Variants in MAGEC3 observed in about 807,000 individuals in gnomAD.
MAGEC3 encodes the protein MAGE family member C3.
In MAGEC3, 34 loss-of-function variants were observed where a neutral mutation model predicts 35.3. The ratio of observed to expected loss-of-function variants is 0.96; its 90% CI spans 0.73 to 1.28. The LOEUF (loss-of-function observed/expected upper bound fraction) is 1.28, where lower values mean the gene tolerates loss of function less well. MAGEC3 is among the 50% of genes most tolerant of loss of function. The pLI, the probability that MAGEC3 is intolerant of heterozygous loss-of-function variation, is 0.00. For synonymous variants in MAGEC3, 202 were observed against 185.6 expected, an observed-to-expected ratio of 1.09 and a Z score of -0.72; for missense variants, 561 against 483.6, an observed-to-expected ratio of 1.16 and a Z score of -1.50.
At chrX:141,884,375 T>C (rs190884649) in intron 4 of MAGEC3, among the ~76,000 whole-genome samples, 90 of 112,098 alleles carry the variant, frequency 8.0e-4, no homozygotes, top group Admixed American at 1.6e-3. Flanking sequence ...TTCTTCAGCA[T>C]TGGGACTCGG....
rs772070241 is a variant in MAGEC3 at position 141,897,451 on chromosome X, G to C, written c.1693G>C (p.Glu565Gln). The C allele has an allele frequency of 8.3e-7, 1 of 1,208,313 alleles. No homozygotes were observed. The highest frequency in any genetic ancestry group is 1.1e-6 in the Non-Finnish European group (1 of 894,547). ...CTTCATAAAGGGCAGCTGTGTCCCC[G>C]AGGAGGTCATCTGGGAAGTGTTGAG... ...MIFIKGSCVP[E>Q]EVIWEVLSAI... The change falls in exon 7 of 8, where the codon GAG becomes CAG. Residue 565 changes from glutamate (E) to glutamine (Q), a missense_variant. Glu to Gln is a conservative substitution (Grantham distance 29). Transcript: ENST00000298296.
At chrX:141,882,890 A>G (rs933358044) in intron 4 of MAGEC3, among the ~76,000 whole-genome samples, 1 of 112,186 alleles carries the variant, frequency 8.9e-6, no homozygotes, top group Non-Finnish European at 1.9e-5. Context: ...TCAAGTATAA[A>G]GTCCCTGAGC....
intron 4 of MAGEC3, among the ~76,000 whole-genome samples, chrX:141,885,234 C>G (rs1013330403): frequency 3.6e-5 from 4 of 111,318 alleles, no homozygotes; most frequent in African/African-American, 1.3e-4. Flanking sequence ...AAGCAGAAAT[C>G]TGGAGAACAG....
intron 3 of MAGEC3, among the ~76,000 whole-genome samples, chrX:141,880,069 T>G: frequency 9.0e-6 from 1 of 110,545 alleles, no homozygotes; most frequent in South Asian, 3.9e-4. Flanking sequence ...CATTGCTGGG[T>G]GAGAGGTGCA....
chrX:141,873,992 A>T (rs1318712586), intron 2 of MAGEC3, among the ~76,000 whole-genome samples: 1 of 112,512 alleles, frequency 8.9e-6, no homozygotes. Flanking sequence ...TAATTAAGAC[A>T]GTGTGATATT....
chrX:141,872,397 G>A (rs1012216963), intron 2 of MAGEC3, among the ~76,000 whole-genome samples: 20 of 111,270 alleles, frequency 1.8e-4, no homozygotes, highest in Non-Finnish European at 3.6e-4. Flanking sequence ...AGGAGGCCGA[G>A]GGTGTCTGTT....
At chrX:141,849,362 T>A (rs1353689389) in intron 1 of MAGEC3, among the ~76,000 whole-genome samples, 1 of 111,197 alleles carries the variant, frequency 9.0e-6, no homozygotes, top group East Asian at 2.8e-4. Flanking sequence ...TTTTTTGACA[T>A]TGACTTTGGC....
intron 1 of MAGEC3, among the ~76,000 whole-genome samples, chrX:141,852,810 G>A (rs907330220): frequency 3.6e-5 from 4 of 110,863 alleles, no homozygotes; most frequent in Admixed American, 1.9e-4. Flanking sequence ...TACTATTTTT[G>A]TATTGCTAGA....
chrX:141,896,810 C>G (rs1398792258), intron 6 of MAGEC3, 72 bp from the exon 7 acceptor site: 3 of 1,202,776 alleles, frequency 2.5e-6, no homozygotes, highest in Non-Finnish European at 3.4e-6. Flanking sequence ...TTATTCCCCT[C>G]CTCCTCTTCC....
At chrX:141,894,888 G>A in intron 4 of MAGEC3, 1 of 859,222 alleles carries the variant, frequency 1.2e-6, no homozygotes. Context: ...AGGCAAGAAG[G>A]GGTGGGAGGG....
chrX:141,858,640 G>T (rs942251711), intron 1 of MAGEC3, among the ~76,000 whole-genome samples: 1 of 110,184 alleles, frequency 9.1e-6, no homozygotes, highest in Non-Finnish European at 1.9e-5. Context: ...CTTAGCATCT[G>T]CCTGGTAACC....
chrX:141,856,448 C>T (rs2017781071), intron 1 of MAGEC3, among the ~76,000 whole-genome samples: 1 of 111,189 alleles, frequency 9.0e-6, no homozygotes, highest in Non-Finnish European at 1.9e-5. Context: ...CTGAGAGAGT[C>T]GGCTTTTTAA....
chrX:141,849,681 A>T (rs2017738795), intron 1 of MAGEC3, among the ~76,000 whole-genome samples: 1 of 111,231 alleles, frequency 9.0e-6, no homozygotes, highest in South Asian at 3.8e-4. Context: ...AATCAAAACC[A>T]CAATGAGATA....
At chrX:141,843,032 AAATC>A (rs1226319891) in intron 1 of MAGEC3, among the ~76,000 whole-genome samples, 1 of 112,378 alleles carries the variant, frequency 8.9e-6, no homozygotes, top group African/African-American at 3.2e-5. Context: ...TTTTGAGAAT[AAATC>A]TACGTTCTTG....
At chrX:141,846,950 G>T (rs899532989) in intron 1 of MAGEC3, among the ~76,000 whole-genome samples, 3 of 110,683 alleles carry the variant, frequency 2.7e-5, no homozygotes, top group East Asian at 5.7e-4. Context: ...AATGATAATG[G>T]TACCTGTTTC....
At chrX:141,864,871 A>C (rs2017838429) in intron 1 of MAGEC3, among the ~76,000 whole-genome samples, 1 of 112,297 alleles carries the variant, frequency 8.9e-6, no homozygotes, top group Non-Finnish European at 1.9e-5. Context: ...AATAGTGTTC[A>C]AGATGCTCTT....
chrX:141,852,872 G>T (rs776662094), intron 1 of MAGEC3, among the ~76,000 whole-genome samples: 1 of 111,248 alleles, frequency 9.0e-6, no homozygotes, highest in Admixed American at 9.6e-5. Flanking sequence ...TGAGATATTG[G>T]TTTGTAGTTT....
Position 141,895,671 on chromosome X carries a change from G to A in MAGEC3, c.1123+112G>A. 1.7e-5 allele frequency: 10 copies of A among 581,083 alleles called. No individual in the cohort carries two copies. In the South Asian group the frequency reaches 2.8e-4, roughly 16 times the overall value. The allele number at this position is 581,083 out of a possible 1,213,427, so 47.9% of individuals were successfully genotyped here. On this transcript the variant is annotated intron_variant, in intron 6 of 7. Coordinates refer to ENST00000298296, the MANE Select transcript of MAGEC3 (RefSeq NM_138702.1). Reference sequence around the variant, plus strand: ...CACCCTGCTCCTCATATCAGCCCTCGTAGAGCTCCTCAGTCAGCTCAGGCT... The same window carrying A: ...CACCCTGCTCCTCATATCAGCCCTCATAGAGCTCCTCAGTCAGCTCAGGCT...
At chrX:141,882,295 G>T (rs1418290865) in intron 4 of MAGEC3, among the ~76,000 whole-genome samples, 6 of 111,832 alleles carry the variant, frequency 5.4e-5, no homozygotes, top group Non-Finnish European at 1.1e-4. Context: ...GTTTCCTTTT[G>T]TGTACTTTTT....
Sources: allele counts gnomAD v4.1 joint callset (sites outside exome capture counted in the v4.1 genomes callset), GRCh38; gene constraint gnomAD v4.1.1; transcripts MANE v1.5; gene names NCBI Gene and HGNC (gene_info 2026-07-23, HGNC 2026-07-21).